Variants in HNF1B observed in about 807,000 individuals in gnomAD.
HNF1B encodes the protein hepatocyte nuclear factor 1-beta.
HNF1B carries 8 observed loss-of-function variants against 61.7 expected under a neutral mutation model. That is an observed-to-expected ratio of 0.13 (90% CI 0.08 to 0.23). HNF1B has a LOEUF of 0.23. HNF1B is among the 10% of genes least tolerant of loss of function. HNF1B has a pLI of 1.00. For missense variants in HNF1B, 562 were observed against 714.5 expected (o/e 0.79, Z 2.43); for synonymous variants, 314 against 287.7 (o/e 1.09, Z -0.93).
Position 37,744,973 on chromosome 17 carries a change from C to T in HNF1B, c.-89G>A, listed in dbSNP as rs916038468. ...GGAGTTTCACAAGCAAACCCCAAAT[C>T]CAGGAACCCCTCCACCCTTCAGCCT... On this transcript the variant is annotated 5_prime_UTR_variant, in exon 1 of 9. Transcript: ENST00000617811. 10 of 1,131,502 alleles carry T rather than the reference C, an allele frequency of 8.8e-6. No homozygotes were observed. The African/African-American group carries it at 1.4e-4, about 16-fold the overall frequency. 70.1% of individuals were successfully genotyped at this position (1,131,502 alleles called of 1,614,324 possible). A position where few individuals can be genotyped will look rare whatever the true frequency, so the allele number is the denominator to read the frequency against.
Position 37,701,125 on chromosome 17 carries a change from G to T in HNF1B, c.1392C>A (p.Gly464=). 3.2e-6 allele frequency: 5 copies of T among 1,552,274 alleles called. No individual in the cohort carries two copies. Among genetic ancestry groups the T allele is most frequent in the Non-Finnish European group, 4.4e-6 (5 of 1,147,694 alleles). ...QSVPVINSVA[G]SLAALQPVQF... ...GGACGGGCTGCAGGGCTGCCAGGCT[G>T]CCGGCCACACTGTTGATGACAGGGA... Residue 464 remains glycine (G), a synonymous_variant, in exon 7 of 9, where the codon GGC becomes GGA. Transcript: ENST00000617811.
chr17:37,733,273 T>C (rs183012401), intron 3 of HNF1B, among the ~76,000 whole-genome samples: 30 of 152,322 alleles, frequency 2.0e-4, no homozygotes, highest in African/African-American at 6.3e-4. Context: ...GAAGATTCCA[T>C]AGTTAACAAC....
At chr17:37,743,637 C>T (rs1459113133) in intron 1 of HNF1B, among the ~76,000 whole-genome samples, 1 of 152,224 alleles carries the variant, frequency 6.6e-6, no homozygotes, top group Non-Finnish European at 1.5e-5. Context: ...CCGGGAGCGA[C>T]GTGCTGTCTC....
At position 37,720,765 on chromosome 17, in the gene HNF1B, A is replaced by G. The variant is rs868038659; in HGVS notation, c.1046-10102T>C. The G allele has an allele frequency of 7.0e-5, 69 of 984,926 alleles. No homozygotes were observed. In the Middle Eastern group the frequency reaches 1.5e-3, roughly 22 times the overall value. The allele number at this position is 984,926 out of a possible 1,614,324, so 61.0% of individuals were successfully genotyped here. ...GGCTCAGATGTTGGTACAGCCCACA[A>G]TTCTGCCACTCAGAATACATACATA... On this transcript the variant is annotated intron_variant, in intron 4 of 8. Transcript: ENST00000617811.
rs1407831418 is a variant in HNF1B, at chr17:37,687,258, C to A, written c.*114G>T. On this transcript the variant is annotated 3_prime_UTR_variant, in exon 9 of 9. Coordinates refer to ENST00000617811, the MANE Select transcript of HNF1B (RefSeq NM_000458.4). ...AGGACGTCCGTCAGGTAAGCAGGGA[C>A]CTCTCGCAGGTGCTGGTCAGGTCAC... 5 of 1,568,906 alleles carry A rather than the reference C, an allele frequency of 3.2e-6. No homozygotes were observed. The highest frequency in any genetic ancestry group is 4.4e-6 in the Non-Finnish European group (5 of 1,141,516).
At chr17:37,728,047 G>A (rs2033561290) in intron 4 of HNF1B, among the ~76,000 whole-genome samples, 1 of 151,972 alleles carries the variant, frequency 6.6e-6, no homozygotes, top group Admixed American at 6.6e-5. Context: ...TTGGAGTGGA[G>A]TGGAGTGGCC....
chr17:37,692,830 T>C (rs767069498), intron 8 of HNF1B, among the ~76,000 whole-genome samples: 1 of 152,100 alleles, frequency 6.6e-6, no homozygotes, highest in Non-Finnish European at 1.5e-5. Context: ...ATGGTAGTAA[T>C]CCTGAGACAT....
chr17:37,691,271 T>G (rs1245152649), intron 8 of HNF1B, among the ~76,000 whole-genome samples: 1 of 152,180 alleles, frequency 6.6e-6, no homozygotes, highest in Non-Finnish European at 1.5e-5. Flanking sequence ...TGAGGACAGA[T>G]AAGTCACTTC....
chr17:37,702,781 A>G (rs1471716011), intron 6 of HNF1B, among the ~76,000 whole-genome samples: 1 of 152,204 alleles, frequency 6.6e-6, no homozygotes, highest in African/African-American at 2.4e-5. Context: ...AGACCTAATG[A>G]GTCAGAACCT....
chr17:37,693,445 G>A (rs892451624), intron 8 of HNF1B, among the ~76,000 whole-genome samples: 4 of 152,186 alleles, frequency 2.6e-5, no homozygotes, highest in African/African-American at 9.7e-5. Flanking sequence ...GAAGCTGAAA[G>A]TAGCTCAGGT....
intron 1 of HNF1B, among the ~76,000 whole-genome samples, chr17:37,743,180 GGCCCCCGGTGGCCGGCGGTGGGA>G (rs1354735396): frequency 2.6e-5 from 4 of 152,190 alleles, no homozygotes; most frequent in African/African-American, 9.6e-5. Context: ...TAGGCCCTGT[GGCCCCCGGTGGCCGGCGGTGGGA>G]GCCTGGTTCA....
chr17:37,727,049 C>G (rs2033523021), intron 4 of HNF1B, among the ~76,000 whole-genome samples: 1 of 152,188 alleles, frequency 6.6e-6, no homozygotes, highest in Non-Finnish European at 1.5e-5. Context: ...ACAGATCACA[C>G]AGCAGATACC....
intron 2 of HNF1B, among the ~76,000 whole-genome samples, chr17:37,738,648 T>C (rs1046085731): frequency 6.6e-6 from 1 of 152,236 alleles, no homozygotes; most frequent in African/African-American, 2.4e-5. Flanking sequence ...ACTCTTGTTA[T>C]TCATAGGCAG....
intron 4 of HNF1B, among the ~76,000 whole-genome samples, chr17:37,719,595 G>T (rs2033240370): frequency 6.6e-6 from 1 of 152,226 alleles, no homozygotes; most frequent in Non-Finnish European, 1.5e-5. Flanking sequence ...CTGAGCAGCT[G>T]CCTTTGCAGG....
intron 6 of HNF1B, 82 bp from the exon 7 acceptor site, chr17:37,701,259 C>A: frequency 7.4e-7 from 1 of 1,354,028 alleles, no homozygotes; most frequent in South Asian, 1.2e-5. Context: ...AGCCCCCGCT[C>A]AATGTCCCAG....
intron 1 of HNF1B, among the ~76,000 whole-genome samples, chr17:37,740,389 G>A (rs1246638771): frequency 6.6e-6 from 1 of 152,140 alleles, no homozygotes; most frequent in African/African-American, 2.4e-5. Flanking sequence ...AATGAAGTAG[G>A]GATAGCATCA....
chr17:37,716,847 TCTCTCTC>T (rs2033135434), intron 4 of HNF1B, among the ~76,000 whole-genome samples: 1 of 31,022 alleles, frequency 3.2e-5, no homozygotes, highest in Admixed American at 2.3e-4. Flanking sequence ...TAACAATCTC[TCTCTCTC>T]TCTCTCTCTC....
At chr17:37,740,440 A>G (rs1054321095) in intron 1 of HNF1B, among the ~76,000 whole-genome samples, 1 of 152,200 alleles carries the variant, frequency 6.6e-6, no homozygotes, top group Non-Finnish European at 1.5e-5. Flanking sequence ...CCTCTCCTAC[A>G]TTATTTTCCT....
intron 4 of HNF1B, among the ~76,000 whole-genome samples, chr17:37,726,373 G>T (rs898155510): frequency 5.3e-5 from 8 of 152,180 alleles, no homozygotes; most frequent in African/African-American, 1.9e-4. Flanking sequence ...ACTCTGCAGG[G>T]CTGTTGTGTG....
Sources: allele counts gnomAD v4.1 joint callset (sites outside exome capture counted in the v4.1 genomes callset), GRCh38; gene constraint gnomAD v4.1.1; transcripts MANE v1.5; gene names NCBI Gene and HGNC (gene_info 2026-07-23, HGNC 2026-07-21).